The following GPHN variants were observed in gnomAD, a reference collection of about 807,000 sequenced individuals.
GPHN encodes the protein gephyrin.
GPHN carries 17 observed loss-of-function variants against 95.5 expected under a neutral mutation model. The ratio of observed to expected loss-of-function variants is 0.18; its 90% CI spans 0.12 to 0.27. The LOEUF (loss-of-function observed/expected upper bound fraction) is 0.27, where lower values mean the gene tolerates loss of function less well. Among genes scored for constraint, GPHN ranks in the 10% least tolerant of loss-of-function variants. GPHN has a pLI of 1.00. For synonymous variants in GPHN, 320 were observed against 322.5 expected (o/e 0.99, Z 0.08); for missense variants, 660 against 978.1 (o/e 0.67, Z 4.34).
the GPHN span, among the ~76,000 whole-genome samples, chr14:67,395,889 C>A: frequency 6.6e-6 from 1 of 152,134 alleles, no homozygotes; most frequent in East Asian, 1.9e-4. Flanking sequence ...CCTATGACAG[C>A]CCCTACACTG....
the GPHN span, among the ~76,000 whole-genome samples, chr14:67,654,099 G>C: frequency 4.5e-3 from 685 of 152,240 alleles, 5 homozygotes; most frequent in African/African-American, 0.016. Context: ...TGACCTCTCA[G>C]CTCGTTCCTT....
At chr14:66,871,991 T>C (rs1289682105) in intron 4 of GPHN, among the ~76,000 whole-genome samples, 1 of 152,172 alleles carries the variant, frequency 6.6e-6, no homozygotes, top group Non-Finnish European at 1.5e-5. Flanking sequence ...GCCAGCAAAG[T>C]CCTTACGTTT....
At chr14:67,053,784 C>T (rs1182650187) in intron 10 of GPHN, among the ~76,000 whole-genome samples, 1 of 152,188 alleles carries the variant, frequency 6.6e-6, no homozygotes, top group East Asian at 1.9e-4. Context: ...CAGCTTCATC[C>T]CCAAGATACA....
chr14:67,477,034 C>T, the GPHN span, among the ~76,000 whole-genome samples: 1 of 152,118 alleles, frequency 6.6e-6, no homozygotes, highest in Non-Finnish European at 1.5e-5. Context: ...AATGTGGTGG[C>T]ATGCGCCTAT....
chr14:67,652,648 C>A, the GPHN span: 3 of 152,200 alleles, frequency 2.0e-5, no homozygotes, highest in African/African-American at 7.2e-5. Flanking sequence ...ACCCTGACAA[C>A]TCCACAAGGG....
the GPHN span, among the ~76,000 whole-genome samples, chr14:67,246,232 C>T: frequency 6.6e-6 from 1 of 151,448 alleles, no homozygotes; most frequent in Non-Finnish European, 1.5e-5. Flanking sequence ...GCCTTGGCCT[C>T]CCAGGTTCAA....
At chr14:67,058,539 A>G in intron 10 of GPHN, 110 bp from the exon 11 acceptor site, 2 of 937,114 alleles carry the variant, frequency 2.1e-6, no homozygotes, top group Admixed American at 3.5e-5. Flanking sequence ...CTTACCTGCT[A>G]ATCTTCATCT....
At chr14:67,326,951 G>A in the GPHN span, among the ~76,000 whole-genome samples, 2 of 152,150 alleles carry the variant, frequency 1.3e-5, no homozygotes, top group South Asian at 4.1e-4. Context: ...GAGGCGGGCA[G>A]ATCACTTGAG....
At chr14:67,262,049 TTTAG>T in the GPHN span, among the ~76,000 whole-genome samples, 1 of 152,282 alleles carries the variant, frequency 6.6e-6, no homozygotes, top group African/African-American at 2.4e-5. Flanking sequence ...CCATCTGAAT[TTTAG>T]TTAATGTTCT....
chr14:67,695,364 A>C, the GPHN span, among the ~76,000 whole-genome samples: 1 of 152,162 alleles, frequency 6.6e-6, no homozygotes, highest in Non-Finnish European at 1.5e-5. Flanking sequence ...CTGGAGCCAG[A>C]ATCAGGGGGT....
chr14:66,659,563 A>T (rs973374949), intron 1 of GPHN, among the ~76,000 whole-genome samples: 2 of 151,676 alleles, frequency 1.3e-5, no homozygotes, highest in Non-Finnish European at 2.9e-5. Context: ...TCATTTTTTC[A>T]GGTATATCAG....
the GPHN span, chr14:67,648,828 C>T: frequency 6.6e-6 from 1 of 152,178 alleles, no homozygotes; most frequent in Non-Finnish European, 1.5e-5. Context: ...CTTCAAATGA[C>T]CTTTCATTCC....
intron 1 of GPHN, among the ~76,000 whole-genome samples, chr14:66,527,829 G>C (rs2058751487): frequency 6.6e-6 from 1 of 152,158 alleles, no homozygotes; most frequent in African/African-American, 2.4e-5. Flanking sequence ...GTGGTCTGAA[G>C]ACTGTTTGTT....
intron 9 of GPHN, among the ~76,000 whole-genome samples, chr14:66,985,980 A>G (rs917126454): frequency 6.6e-6 from 1 of 152,130 alleles, no homozygotes; most frequent in Non-Finnish European, 1.5e-5. Context: ...AACAACAGAA[A>G]GGGCAACTGC....
the GPHN span, chr14:67,205,110 T>A: frequency 1.0e-5 from 16 of 1,536,498 alleles, no homozygotes; most frequent in Non-Finnish European, 1.4e-5. Flanking sequence ...CTGAAGACTT[T>A]CATGCTTTAA....
the GPHN span, among the ~76,000 whole-genome samples, chr14:67,193,335 T>TATCTATCTATATATAG: frequency 4.1e-4 from 57 of 138,948 alleles, no homozygotes; most frequent in Non-Finnish European, 7.8e-4. Flanking sequence ...TATCTCTATA[T>TATCTATCTATATATAG]AGATATCTAT....
At chr14:67,247,108 T>C in the GPHN span, among the ~76,000 whole-genome samples, 2 of 152,222 alleles carry the variant, frequency 1.3e-5, no homozygotes, top group African/African-American at 4.8e-5. Flanking sequence ...TTGATTGAGA[T>C]TGTGTCTAAT....
the GPHN span, chr14:67,690,837 C>G: frequency 5.0e-6 from 2 of 403,602 alleles, no homozygotes; most frequent in Non-Finnish European, 9.0e-6. Context: ...GAGCAGATGA[C>G]CTATACCTGA....
At chr14:67,033,113 C>T (rs2074265561) in intron 10 of GPHN, among the ~76,000 whole-genome samples, 1 of 151,772 alleles carries the variant, frequency 6.6e-6, no homozygotes, top group Non-Finnish European at 1.5e-5. Flanking sequence ...AATTCTGGAG[C>T]CAAAGGATAC....
Sources: allele counts gnomAD v4.1 joint callset (sites outside exome capture counted in the v4.1 genomes callset), GRCh38; gene constraint gnomAD v4.1.1; transcripts MANE v1.5; gene names NCBI Gene and HGNC (gene_info 2026-07-23, HGNC 2026-07-21).